MMADHC: variants seen among roughly 807,000 people sequenced by gnomAD.
The protein encoded by MMADHC is metabolism of cobalamin associated D, also known as cobalamin trafficking protein CblD.
Under a neutral mutation model 36.3 loss-of-function variants are expected in MMADHC, and 23 were observed. The observed-to-expected ratio is 0.63, with a 90% CI of 0.46 to 0.90. The LOEUF (loss-of-function observed/expected upper bound fraction) is 0.90. Among genes scored for constraint, MMADHC ranks in the 40% least tolerant of loss-of-function variants. The pLI is 0.00. For missense variants in MMADHC, 330 were observed against 348.0 expected (o/e 0.95, Z 0.41); for synonymous variants, 97 against 116.1 (o/e 0.84, Z 1.06).
At chr2:149,579,904 A>G (rs1682771891) in intron 3 of MMADHC, among the ~76,000 whole-genome samples, 1 of 152,238 alleles carries the variant, frequency 6.6e-6, no homozygotes. Flanking sequence ...AAATGCTTGA[A>G]TGTCATTAAA....
At chr2:149,570,934 T>TGA in intron 7 of MMADHC, 151 bp downstream of exon 7, 1 of 608,752 alleles carries the variant, frequency 1.6e-6, no homozygotes, top group Non-Finnish European at 2.9e-6. Flanking sequence ...TCTCAAAAGT[T>TGA]GAGAATTCAA....
At chr2:149,585,836 A>G (rs1682861798) in intron 2 of MMADHC, among the ~76,000 whole-genome samples, 2 of 152,234 alleles carry the variant, frequency 1.3e-5, no homozygotes, top group African/African-American at 4.8e-5. Flanking sequence ...CTGAAACTTA[A>G]ATTTATTTTA....
At position 149,569,878 on chromosome 2, in the gene MMADHC, G is replaced by C; in HGVS notation, c.*96C>G. ...TCATAAATGCTGAAATAAATACTTAGAAATAAATATATTTTAAAAACTTTA... is the reference window on the plus strand; with the variant it reads ...TCATAAATGCTGAAATAAATACTTACAAATAAATATATTTTAAAAACTTTA... On this transcript the variant is annotated 3_prime_UTR_variant, in exon 8 of 8. Coordinates refer to ENST00000303319, the MANE Select transcript of MMADHC (RefSeq NM_015702.3). The C allele has an allele frequency of 9.3e-7, 1 of 1,071,516 alleles. No homozygotes were observed. The highest frequency in any genetic ancestry group is 2.3e-5 in the Admixed American group (1 of 43,348). 66.4% of individuals were successfully genotyped at this position (1,071,516 alleles called of 1,614,324 possible).
In MMADHC at chr2:149,576,467, T is replaced by G; in HGVS notation, c.448A>C (p.Ile150Leu). The G allele has an allele frequency of 6.2e-7, 1 of 1,613,300 alleles. No individual in the cohort carries two copies. The highest frequency in any genetic ancestry group is 2.2e-5 in the East Asian group (1 of 44,808). Residue 150 changes from isoleucine (I) to leucine (L), a missense_variant, in exon 5 of 8, where the codon ATA (isoleucine) becomes CTA (leucine). Transcript: ENST00000303319. Reference protein sequence around the residue: ...YFESARVECAIQTCPELLRKD... With the variant: ...YFESARVECALQTCPELLRKD... ...CGCAGCAATTCTGGACATGTCTGTA[T>G]TGCACACTCTACTCTGGCACTTTCA...
In MMADHC at chr2:149,569,989, T is replaced by C. The variant is rs1558844562; in HGVS notation, c.876A>G (p.Lys292=). The C allele has an allele frequency of 6.2e-7, 1 of 1,613,366 alleles. No homozygotes were observed. Among genetic ancestry groups the C allele is most frequent in the South Asian group, 1.1e-5 (1 of 91,068 alleles). The change falls in exon 8 of 8, where the codon AAA becomes AAG. Residue 292 remains lysine, a synonymous_variant. Transcript: ENST00000303319. ...NATPDSHIMK[K]LSGN ...GATATTTCTGCTAATTTCCACTTAATTTCTTCATAATATGGCTGTCTGGTG... is the reference window on the plus strand; with the variant it reads ...GATATTTCTGCTAATTTCCACTTAACTTCTTCATAATATGGCTGTCTGGTG...
chr2:149,569,804 T>C lies in MMADHC; in HGVS notation c.*170A>G, dbSNP rs1489881191. ...ACGTGTATTCAATGATATGAATAAA[T>C]GAACATTTGCAATTTTAAAATCCCA... On this transcript the variant is annotated 3_prime_UTR_variant, in exon 8 of 8. Coordinates refer to ENST00000303319, the MANE Select transcript of MMADHC (RefSeq NM_015702.3). The C allele has an allele frequency of 1.6e-6, 1 of 638,600 alleles. No individual in the cohort carries two copies. The highest frequency in any genetic ancestry group is 2.7e-6 in the Non-Finnish European group (1 of 368,988). 39.6% of individuals were successfully genotyped at this position (638,600 alleles called of 1,614,324 possible).
chr2:149,586,793 G>A, intron 2 of MMADHC: 2 of 400,156 alleles, frequency 5.0e-6, no homozygotes, highest in Non-Finnish European at 8.9e-6. Context: ...CTAAAAAAGG[G>A]CCTAAACATA....
chr2:149,581,158 T>G (rs1682788568), intron 3 of MMADHC, among the ~76,000 whole-genome samples: 2 of 152,226 alleles, frequency 1.3e-5, no homozygotes, highest in South Asian at 4.1e-4. Context: ...AGGTTTTGTT[T>G]TCTGTGAAAG....
intron 6 of MMADHC, among the ~76,000 whole-genome samples, chr2:149,573,493 G>A (rs570531002): frequency 1.9e-3 from 295 of 152,166 alleles, no homozygotes; most frequent in Non-Finnish European, 3.6e-3. Flanking sequence ...AGAATGAGGC[G>A]TTGCTTAATT....
chr2:149,577,973 G>A lies in MMADHC; in HGVS notation c.373-1431C>T, dbSNP rs543980571. On this transcript the variant is annotated intron_variant, in intron 4 of 7. Transcript: ENST00000303319. Reference sequence around the variant, plus strand: ...TTGCAGGTTGCAGTGAGCCAAGATCGCACCACTGCACTCTAGCCTGGTGAC... The same window carrying A: ...TTGCAGGTTGCAGTGAGCCAAGATCACACCACTGCACTCTAGCCTGGTGAC... Among the ~76,000 whole-genome samples, 16 of 152,202 alleles carry A rather than the reference G, an allele frequency of 1.1e-4. No individual in the cohort carries two copies. In the South Asian group the frequency reaches 1.9e-3, roughly 18 times the overall value.
chr2:149,577,810 G>A (rs1176559399), intron 4 of MMADHC, among the ~76,000 whole-genome samples: 1 of 152,178 alleles, frequency 6.6e-6, no homozygotes, highest in Non-Finnish European at 1.5e-5. Flanking sequence ...ACAAGGTCAG[G>A]TGATCGAGAC....
intron 4 of MMADHC, among the ~76,000 whole-genome samples, chr2:149,576,980 GC>G (rs1268977400): frequency 5.9e-5 from 9 of 152,078 alleles, no homozygotes; most frequent in African/African-American, 2.2e-4. Flanking sequence ...GAGCTTAGAG[GC>G]TTTTATTCAA....
At chr2:149,584,274 G>A (rs1291269017) in intron 2 of MMADHC, among the ~76,000 whole-genome samples, 1 of 152,162 alleles carries the variant, frequency 6.6e-6, no homozygotes, top group Non-Finnish European at 1.5e-5. Flanking sequence ...ATTATCTGAA[G>A]GGGCCAATAT....
rs755691377 is a variant in MMADHC, at chr2:149,569,965, A to G, written c.*9T>C. 3 of 1,610,046 alleles carry G rather than the reference A, an allele frequency of 1.9e-6. No homozygotes were observed. Among genetic ancestry groups the G allele is most frequent in the South Asian group, 1.1e-5 (1 of 90,988 alleles). The stretch of plus-strand genomic sequence containing the variant: ...TACAAATAGTACAGCAAATGAATGG[A>G]TATTTCTGCTAATTTCCACTTAATT... On this transcript the variant is annotated 3_prime_UTR_variant, in exon 8 of 8. Coordinates refer to ENST00000303319, the MANE Select transcript of MMADHC (RefSeq NM_015702.3).
chr2:149,569,717 A>G lies in MMADHC; in HGVS notation c.*257T>C. The G allele has an allele frequency of 3.2e-6, 1 of 313,924 alleles. No homozygotes were observed. The allele number at this position is 313,924 out of a possible 1,614,324, so 19.4% of individuals were successfully genotyped here. On this transcript the variant is annotated 3_prime_UTR_variant, in exon 8 of 8. Transcript: ENST00000303319. Reference sequence around the variant, plus strand: ...TTTCCAATAAAGAGGAGAAATAACAATAGCAGATCATACCCTGGTTACAAG... The same window carrying G: ...TTTCCAATAAAGAGGAGAAATAACAGTAGCAGATCATACCCTGGTTACAAG...
chr2:149,572,629 A>G (rs1377228279), intron 6 of MMADHC, among the ~76,000 whole-genome samples: 3 of 152,152 alleles, frequency 2.0e-5, no homozygotes, highest in African/African-American at 7.2e-5. Flanking sequence ...ATAGAAAGCA[A>G]GAGTTCTAGA....
At chr2:149,572,190 A>T (rs1682650192) in intron 6 of MMADHC, 1 of 424,332 alleles carries the variant, frequency 2.4e-6, no homozygotes, top group Admixed American at 2.8e-5. Flanking sequence ...TGAAATAAAG[A>T]AGAGATCATG....
chr2:149,576,274 C>T (rs550842330), intron 5 of MMADHC, among the ~76,000 whole-genome samples, 163 bp downstream of exon 5: 1 of 152,236 alleles, frequency 6.6e-6, no homozygotes, highest in African/African-American at 2.4e-5. Flanking sequence ...GGTCAGATGT[C>T]ACAGGACATT....
chr2:149,584,943 T>C (rs1200147060), intron 2 of MMADHC, among the ~76,000 whole-genome samples: 1 of 150,492 alleles, frequency 6.6e-6, no homozygotes, highest in Non-Finnish European at 1.5e-5. Flanking sequence ...CTTAGGAGGC[T>C]GAGGCAGGAG....
Sources: gnomAD v4.1 joint callset for allele counts (sites outside exome capture counted in the v4.1 genomes callset) on GRCh38, gnomAD v4.1.1 for gene constraint, MANE v1.5 for transcripts, NCBI Gene and HGNC (gene_info 2026-07-23, HGNC 2026-07-21) for gene names.